Variants in WDR7 observed in about 807,000 individuals in gnomAD.
WDR7 encodes WD repeat-containing protein 7.
In WDR7, 46 loss-of-function variants were observed where a neutral mutation model predicts 169.4. The ratio of observed to expected loss-of-function variants is 0.27; its 90% CI spans 0.21 to 0.35. The LOEUF is 0.35. WDR7 is among the 10% of genes least tolerant of loss of function. The pLI, the probability that WDR7 is intolerant of heterozygous loss-of-function variation, is 1.00. For missense variants in WDR7, 1,534 were observed against 1,859.3 expected (o/e 0.83, Z 3.22); for synonymous variants, 612 against 666.8 (o/e 0.92, Z 1.27).
At chr18:56,962,558 A>G (rs763873067) in intron 26 of WDR7, 29 bp downstream of exon 26, 15 of 1,594,332 alleles carry the variant, frequency 9.4e-6, no homozygotes, top group South Asian at 1.1e-5. Context: ...CTTCCTCTCC[A>G]TAAAGCGTGG....
chr18:56,777,854 T>G (rs2044263566), intron 17 of WDR7, among the ~76,000 whole-genome samples: 1 of 152,188 alleles, frequency 6.6e-6, no homozygotes, highest in African/African-American at 2.4e-5. Context: ...CATAGAACTT[T>G]AATAAGGTTT....
chr18:56,900,082 GTA>G (rs1191116351), intron 21 of WDR7, among the ~76,000 whole-genome samples: 2,353 of 31,968 alleles, frequency 0.074, 29 homozygotes, highest in South Asian at 0.23. Context: ...GTGTGTGTGT[GTA>G]TATATATATA....
At chr18:56,975,684 A>G (rs995376604) in intron 26 of WDR7, among the ~76,000 whole-genome samples, 6 of 152,186 alleles carry the variant, frequency 3.9e-5, no homozygotes, top group African/African-American at 1.2e-4. Context: ...CTGTAAAACA[A>G]CAGGTAAAGC....
intron 7 of WDR7, among the ~76,000 whole-genome samples, chr18:56,687,189 CTG>C (rs1246464778): frequency 6.6e-6 from 1 of 152,150 alleles, no homozygotes; most frequent in Non-Finnish European, 1.5e-5. Context: ...CAATTAGAGA[CTG>C]TATTTCATTG....
In WDR7 at chr18:56,953,529, A is replaced by G. The variant is rs562471772; in HGVS notation, c.4065-8901A>G. On this transcript the variant is annotated intron_variant, in intron 25 of 27. Transcript: ENST00000254442. The stretch of plus-strand genomic sequence containing the variant: ...TTCTCTGAAAATTTCCAATTCATTC[A>G]ATTCTTCGTTTGTCTGTGCTGTGTG... 7.2e-5 allele frequency among the ~76,000 whole-genome samples: 11 copies of G among 152,364 alleles called. No individual in the cohort carries two copies. In the East Asian group the frequency reaches 2.1e-3, roughly 29 times the overall value.
chr18:56,765,032 ATTTAC>A (rs1334275191), intron 16 of WDR7, among the ~76,000 whole-genome samples: 1 of 152,062 alleles, frequency 6.6e-6, no homozygotes, highest in Non-Finnish European at 1.5e-5. Context: ...TTGCTTTGAA[ATTTAC>A]TTTGTTTATA....
chr18:56,953,688 GT>G (rs1193211993), intron 25 of WDR7, among the ~76,000 whole-genome samples: 1 of 152,240 alleles, frequency 6.6e-6, no homozygotes, highest in Non-Finnish European at 1.5e-5. Flanking sequence ...AAGAGACCCA[GT>G]GCCATGATAA....
intron 1 of WDR7, among the ~76,000 whole-genome samples, chr18:56,664,225 G>T (rs2024970454): frequency 6.6e-6 from 1 of 152,128 alleles, no homozygotes; most frequent in Admixed American, 6.5e-5. Flanking sequence ...CATGTAGTGG[G>T]AGATCTTGAG....
downstream of WDR7, chr18:57,033,402 G>A (rs773121954): frequency 2.0e-5 from 3 of 152,174 alleles, no homozygotes; most frequent in Non-Finnish European, 4.4e-5. Flanking sequence ...CAACCTGAAG[G>A]ACATTGGTAG....
At chr18:56,862,746 TCTTTTA>T (rs916142999) in intron 20 of WDR7, among the ~76,000 whole-genome samples, 27 of 152,010 alleles carry the variant, frequency 1.8e-4, no homozygotes, top group African/African-American at 6.5e-4. Context: ...TATTTTAGTA[TCTTTTA>T]CTTTTTATTT....
intron 20 of WDR7, among the ~76,000 whole-genome samples, chr18:56,874,436 A>G (rs1445827731): frequency 1.3e-5 from 2 of 152,054 alleles, no homozygotes; most frequent in Non-Finnish European, 2.9e-5. Context: ...AAAACTTTCC[A>G]TGAAGAGAGA....
intron 20 of WDR7, among the ~76,000 whole-genome samples, chr18:56,846,911 C>T (rs561459967): frequency 7.2e-5 from 11 of 152,078 alleles, no homozygotes; most frequent in African/African-American, 1.9e-4. Flanking sequence ...TTTATAACAA[C>T]GCAAAAATGG....
At chr18:56,750,411 AT>A (rs1231952506) in intron 14 of WDR7, among the ~76,000 whole-genome samples, 2 of 152,160 alleles carry the variant, frequency 1.3e-5, no homozygotes, top group Non-Finnish European at 2.9e-5. Context: ...AGGTCTTTTC[AT>A]TTGTATATAC....
chr18:56,774,057 AT>A, intron 16 of WDR7, among the ~76,000 whole-genome samples: 1 of 152,080 alleles, frequency 6.6e-6, no homozygotes, highest in East Asian at 1.9e-4. Flanking sequence ...TACTTTAAAA[AT>A]TTTTTTCTCT....
chr18:56,943,983 T>A (rs936631052), intron 25 of WDR7, among the ~76,000 whole-genome samples: 128 of 85,774 alleles, frequency 1.5e-3, no homozygotes, highest in Non-Finnish European at 2.2e-3. Flanking sequence ...GTTTTGTGGG[T>A]TTTTTTTTTT....
At chr18:56,783,708 T>C (rs2044353368) in intron 19 of WDR7, among the ~76,000 whole-genome samples, 1 of 152,134 alleles carries the variant, frequency 6.6e-6, no homozygotes, top group Admixed American at 6.6e-5. Flanking sequence ...AAAGATAATT[T>C]CTAAGACTTG....
chr18:56,966,441 T>A (rs908656126), intron 26 of WDR7, among the ~76,000 whole-genome samples: 1 of 152,090 alleles, frequency 6.6e-6, no homozygotes, highest in African/African-American at 2.4e-5. Flanking sequence ...CCATTTCCAC[T>A]TGATGAAGAG....
intron 18 of WDR7, among the ~76,000 whole-genome samples, chr18:56,780,476 T>TA (rs1364413344): frequency 6.6e-6 from 1 of 152,166 alleles, no homozygotes; most frequent in African/African-American, 2.4e-5. Flanking sequence ...AAAGTACCAG[T>TA]AAAAAAGTTG....
intron 20 of WDR7, among the ~76,000 whole-genome samples, chr18:56,831,211 G>A (rs768085564): frequency 6.6e-6 from 1 of 152,118 alleles, no homozygotes; most frequent in Non-Finnish European, 1.5e-5. Context: ...AGAGCAAGAG[G>A]TGGTACAGCC....
Sources: gnomAD v4.1 joint callset for allele counts (sites outside exome capture counted in the v4.1 genomes callset) on GRCh38, gnomAD v4.1.1 for gene constraint, MANE v1.5 for transcripts, NCBI Gene and HGNC (gene_info 2026-07-23, HGNC 2026-07-21) for gene names.